The following BLTP3B variants were observed in gnomAD, a reference collection of about 807,000 sequenced individuals.
BLTP3B encodes the protein UHRF1 (ICBP90) binding protein 1-like.
chr12:100,123,915 C>T, the BLTP3B span, among the ~76,000 whole-genome samples: 1 of 152,042 alleles, frequency 6.6e-6, no homozygotes, highest in Non-Finnish European at 1.5e-5. Flanking sequence ...GAGCTGTCTG[C>T]CCACAGATAC....
chr12:100,140,729 AATAT>A, the BLTP3B span, among the ~76,000 whole-genome samples: 1,448 of 61,406 alleles, frequency 0.024, 89 homozygotes, highest in Middle Eastern at 0.043. Context: ...AAAAAAAAAA[AATAT>A]ATATATATAT....
chr12:100,077,267 A>G, the BLTP3B span, among the ~76,000 whole-genome samples: 13 of 152,370 alleles, frequency 8.5e-5, no homozygotes, highest in South Asian at 2.7e-3. Flanking sequence ...TATTCAATAC[A>G]GTAACATGAT....
chr12:100,051,142 A>G, the BLTP3B span: 3 of 1,614,076 alleles, frequency 1.9e-6, no homozygotes, highest in South Asian at 1.1e-5. Flanking sequence ...GAGAAGTTTC[A>G]CCATAATTCT....
At chr12:100,059,574 C>T in the BLTP3B span, 3 of 1,524,328 alleles carry the variant, frequency 2.0e-6, no homozygotes, top group Non-Finnish European at 1.8e-6. Context: ...ACTGGCAAAT[C>T]CATACATCTT....
the BLTP3B span, among the ~76,000 whole-genome samples, chr12:100,061,792 AAAG>A: frequency 0.011 from 1,720 of 152,330 alleles, 30 homozygotes; most frequent in African/African-American, 0.039. Flanking sequence ...TCACGAAGGG[AAAG>A]AAGCAGGGTG....
the BLTP3B span, chr12:100,050,091 T>A: frequency 7.8e-7 from 1 of 1,276,896 alleles, no homozygotes; most frequent in Non-Finnish European, 1.0e-6. Flanking sequence ...CAAGATAGGA[T>A]TGCTGGTGAG....
chr12:100,052,222 T>C, the BLTP3B span, among the ~76,000 whole-genome samples: 4 of 152,068 alleles, frequency 2.6e-5, no homozygotes, highest in Non-Finnish European at 5.9e-5. Context: ...TTTGTATTTT[T>C]AGTAAAGACG....
At chr12:100,098,971 T>C in the BLTP3B span, among the ~76,000 whole-genome samples, 7 of 150,562 alleles carry the variant, frequency 4.6e-5, no homozygotes, top group South Asian at 2.1e-4. Flanking sequence ...CATAGATACA[T>C]AGATAATTTG....
At chr12:100,082,894 T>A in the BLTP3B span, 1 of 677,858 alleles carries the variant, frequency 1.5e-6, no homozygotes, top group Non-Finnish European at 2.5e-6. Flanking sequence ...TGCCATCTAA[T>A]ATGGCCATTT....
the BLTP3B span, among the ~76,000 whole-genome samples, chr12:100,084,931 C>A: frequency 3.9e-5 from 6 of 152,030 alleles, no homozygotes; most frequent in African/African-American, 1.5e-4. Context: ...CCATATGACT[C>A]GTCACCCTTC....
the BLTP3B span, among the ~76,000 whole-genome samples, chr12:100,089,327 G>C: frequency 6.6e-6 from 1 of 152,140 alleles, no homozygotes. Context: ...GGGAGGCCGA[G>C]GCAGGCGAAT....
chr12:100,139,813 A>G, the BLTP3B span, among the ~76,000 whole-genome samples: 1 of 152,232 alleles, frequency 6.6e-6, no homozygotes, highest in African/African-American at 2.4e-5. Context: ...AAAAATACAT[A>G]AAGAAATAAA....
chr12:100,077,753 TC>T, the BLTP3B span, among the ~76,000 whole-genome samples: 1 of 152,306 alleles, frequency 6.6e-6, no homozygotes, highest in Admixed American at 6.5e-5. Context: ...AATCTAGAAA[TC>T]TTTTATTTTT....
the BLTP3B span, among the ~76,000 whole-genome samples, chr12:100,120,799 G>T: frequency 1.3e-5 from 2 of 152,060 alleles, no homozygotes; most frequent in African/African-American, 4.8e-5. Context: ...ATGTAAGAGA[G>T]AGAGAGAGAG....
the BLTP3B span, chr12:100,070,110 A>T: frequency 6.6e-7 from 1 of 1,517,724 alleles, no homozygotes. Flanking sequence ...TCCCTATGAG[A>T]TGCAGAGCAG....
the BLTP3B span, chr12:100,058,885 G>A: frequency 1.2e-6 from 2 of 1,613,798 alleles, no homozygotes; most frequent in South Asian, 1.1e-5. Flanking sequence ...GACGAGGAAG[G>A]GGAAAATCTG....
chr12:100,109,490 T>C, the BLTP3B span, among the ~76,000 whole-genome samples: 4 of 152,100 alleles, frequency 2.6e-5, no homozygotes, highest in African/African-American at 9.7e-5. Context: ...GGCAGCCAGG[T>C]GCGTGGCTCA....
the BLTP3B span, among the ~76,000 whole-genome samples, chr12:100,130,982 G>GGAGAGAGAGAGAGA: frequency 2.6e-3 from 159 of 62,164 alleles, 7 homozygotes; most frequent in Non-Finnish European, 3.5e-3. Flanking sequence ...AGAGAGGGAG[G>GGAGAGAGAGAGAGA]GAGAGAGAGA....
At chr12:100,133,282 T>C in the BLTP3B span, among the ~76,000 whole-genome samples, 2 of 152,028 alleles carry the variant, frequency 1.3e-5, no homozygotes, top group African/African-American at 2.4e-5. Context: ...AACCTGTCTT[T>C]TAAAATAAAT....
Sources: allele counts gnomAD v4.1 joint callset (sites outside exome capture counted in the v4.1 genomes callset), GRCh38; gene constraint gnomAD v4.1.1; transcripts MANE v1.5; gene names NCBI Gene and HGNC (gene_info 2026-07-23, HGNC 2026-07-21).